CDKAL1: variants seen among roughly 807,000 people sequenced by gnomAD.
CDKAL1 encodes the protein threonylcarbamoyladenosine tRNA methylthiotransferase.
CDKAL1 carries 32 observed loss-of-function variants against 68.2 expected under a neutral mutation model. The ratio of observed to expected loss-of-function variants is 0.47; its 90% CI spans 0.35 to 0.63. The LOEUF (loss-of-function observed/expected upper bound fraction) is 0.63, where lower values mean the gene tolerates loss of function less well. Among genes scored for constraint, CDKAL1 ranks in the 30% least tolerant of loss-of-function variants. CDKAL1 has a pLI of 0.00. For synonymous variants in CDKAL1, 234 were observed against 244.3 expected (o/e 0.96, Z 0.39); for missense variants, 606 against 696.7 (o/e 0.87, Z 1.47).
chr6:21,133,427 C>A (rs1413595438), intron 13 of CDKAL1, among the ~76,000 whole-genome samples: 3 of 152,140 alleles, frequency 2.0e-5, no homozygotes, highest in Non-Finnish European at 4.4e-5. Flanking sequence ...TCCAGCCAAG[C>A]CTGAGCTATG....
In CDKAL1 at chr6:20,790,900, TGAAGGCACCATTCAAA is replaced by T. The variant is rs1177900566; in HGVS notation, c.638+9637_638+9652del. ...TGTGAGTACACAAAAAAGGTTAAAATGAAGGCACCATTCAAAGGTAGGCACGACAGTGTAGAAAACC... is the reference window on the plus strand; with the variant it reads ...TGTGAGTACACAAAAAAGGTTAAAATGGTAGGCACGACAGTGTAGAAAACC... On this transcript the variant is annotated intron_variant, in intron 8 of 15. Transcript: ENST00000274695. Among the ~76,000 whole-genome samples, 4 of 151,936 alleles carry T rather than the reference TGAAGGCACCATTCAAA, an allele frequency of 2.6e-5. No homozygotes were observed. The East Asian group carries it at 7.7e-4, about 29-fold the overall frequency.
chr6:21,135,813 A>AG, intron 13 of CDKAL1: 8 of 445,652 alleles, frequency 1.8e-5, no homozygotes, highest in Non-Finnish European at 2.1e-5. Flanking sequence ...CCATTGGAGA[A>AG]CGGGTGCCAT....
intron 8 of CDKAL1, 147 bp from the exon 9 acceptor site, chr6:20,845,928 T>C: frequency 4.0e-6 from 2 of 498,268 alleles, no homozygotes; most frequent in South Asian, 3.6e-5. Flanking sequence ...CTCTGAGGCA[T>C]GGTAGATACT....
At chr6:21,046,790 T>A (rs1157188730) in intron 11 of CDKAL1, among the ~76,000 whole-genome samples, 1 of 152,206 alleles carries the variant, frequency 6.6e-6, no homozygotes, top group African/African-American at 2.4e-5. Context: ...ATGCTGACAG[T>A]TGAGAACCTT....
At chr6:20,875,958 A>G (rs1337549628) in intron 9 of CDKAL1, among the ~76,000 whole-genome samples, 2 of 152,252 alleles carry the variant, frequency 1.3e-5, no homozygotes, top group Non-Finnish European at 2.9e-5. Context: ...GGCTTGTTGA[A>G]AGAATTTTTA....
intron 4 of CDKAL1, among the ~76,000 whole-genome samples, chr6:20,638,888 T>C (rs1188197027): frequency 6.6e-6 from 1 of 152,136 alleles, no homozygotes; most frequent in Non-Finnish European, 1.5e-5. Flanking sequence ...TGCCTCGGCC[T>C]CCTAAAGTGC....
chr6:20,599,355 A>C (rs912183634), intron 4 of CDKAL1: 1 of 453,106 alleles, frequency 2.2e-6, no homozygotes, highest in Non-Finnish European at 4.4e-6. Flanking sequence ...ATTTAATTAC[A>C]TGTCTCTCTC....
chr6:21,169,148 TAAA>T (rs1385929070), intron 13 of CDKAL1, among the ~76,000 whole-genome samples: 1 of 151,854 alleles, frequency 6.6e-6, no homozygotes, highest in Admixed American at 6.6e-5. Context: ...AGTTGGGCAT[TAAA>T]AAAAATACAA....
At chr6:20,908,486 A>G (rs142435130) in intron 9 of CDKAL1, among the ~76,000 whole-genome samples, 1,667 of 152,346 alleles carry the variant, frequency 0.011, 23 homozygotes, top group African/African-American at 0.037. Flanking sequence ...GAAAAGGTAC[A>G]CTGGGCTAGA....
chr6:20,778,295 T>C (rs1174237619), intron 7 of CDKAL1, among the ~76,000 whole-genome samples: 1 of 152,162 alleles, frequency 6.6e-6, no homozygotes, highest in Non-Finnish European at 1.5e-5. Context: ...CTTCATTAAA[T>C]TGAAAAAACA....
At chr6:20,869,670 C>T (rs1448278059) in intron 9 of CDKAL1, among the ~76,000 whole-genome samples, 1 of 151,906 alleles carries the variant, frequency 6.6e-6, no homozygotes, top group Non-Finnish European at 1.5e-5. Flanking sequence ...TTAAAACTTG[C>T]CAAATTAATT....
chr6:20,686,301 G>A (rs1770618249), intron 5 of CDKAL1, among the ~76,000 whole-genome samples: 2 of 152,160 alleles, frequency 1.3e-5, no homozygotes, highest in Admixed American at 6.5e-5. Context: ...GAGGTGAGCG[G>A]TGGGTGAGTG....
At chr6:20,844,615 C>T (rs550755391) in intron 8 of CDKAL1, among the ~76,000 whole-genome samples, 16 of 151,254 alleles carry the variant, frequency 1.1e-4, no homozygotes, top group African/African-American at 3.4e-4. Context: ...TTTGGGAGGC[C>T]GAGAGGGGAG....
chr6:21,124,746 A>G (rs944371541), intron 13 of CDKAL1, among the ~76,000 whole-genome samples: 42 of 151,388 alleles, frequency 2.8e-4, no homozygotes, highest in African/African-American at 6.1e-4. Flanking sequence ...TCTCTCCCCA[A>G]CTGATTTTCC....
chr6:21,046,113 C>G (rs1164835548), intron 11 of CDKAL1, among the ~76,000 whole-genome samples: 1 of 152,198 alleles, frequency 6.6e-6, no homozygotes, highest in African/African-American at 2.4e-5. Flanking sequence ...TCACTGATTA[C>G]TCTGAGGATT....
At chr6:20,638,615 CTTT>C (rs66721753) in intron 4 of CDKAL1, among the ~76,000 whole-genome samples, 15 of 129,968 alleles carry the variant, frequency 1.2e-4, no homozygotes, top group Non-Finnish European at 1.3e-4. Flanking sequence ...ATTAGAGATT[CTTT>C]TTTTTTTTTT....
intron 9 of CDKAL1, among the ~76,000 whole-genome samples, chr6:20,896,423 A>G (rs936378266): frequency 2.6e-5 from 4 of 151,986 alleles, no homozygotes; most frequent in Admixed American, 2.0e-4. Context: ...AAGTCATTTT[A>G]TGCAACTTAA....
At chr6:21,212,077 T>C (rs753802033) in intron 15 of CDKAL1, among the ~76,000 whole-genome samples, 1 of 152,154 alleles carries the variant, frequency 6.6e-6, no homozygotes, top group East Asian at 1.9e-4. Context: ...GGGAAAGTTT[T>C]TGGGCATGAG....
intron 11 of CDKAL1, among the ~76,000 whole-genome samples, chr6:21,055,241 A>G (rs1360423779): frequency 6.6e-6 from 1 of 151,842 alleles, no homozygotes; most frequent in Non-Finnish European, 1.5e-5. Flanking sequence ...ATTTTTTTTA[A>G]TTTTGCCAGG....
Sources: gnomAD v4.1 joint callset for allele counts (sites outside exome capture counted in the v4.1 genomes callset) on GRCh38, gnomAD v4.1.1 for gene constraint, MANE v1.5 for transcripts, NCBI Gene and HGNC (gene_info 2026-07-23, HGNC 2026-07-21) for gene names.